The following RAMP1 variants were observed in gnomAD, a reference collection of about 807,000 sequenced individuals.
RAMP1 encodes the protein receptor activity-modifying protein 1.
In RAMP1, 7 loss-of-function variants were observed where a neutral mutation model predicts 8.2. That is an observed-to-expected ratio of 0.85 (90% CI 0.49 to 1.60). The LOEUF (loss-of-function observed/expected upper bound fraction) is 1.60, where lower values mean the gene tolerates loss of function less well. Among genes scored for constraint, RAMP1 ranks in the 40% most tolerant of loss-of-function variants. The pLI is 0.00. For synonymous variants in RAMP1, 92 were observed against 84.7 expected, an observed-to-expected ratio of 1.09 and a Z score of -0.47; for missense variants, 192 against 202.4, an observed-to-expected ratio of 0.95 and a Z score of 0.31.
chr2:237,895,703 A>G (rs7603692), intron 2 of RAMP1, among the ~76,000 whole-genome samples: 38,464 of 146,072 alleles, frequency 0.26, 5,090 homozygotes, highest in South Asian at 0.35. Flanking sequence ...AGTTTCTTGT[A>G]CAGAGAGGGT....
chr2:237,881,008 TTC>T (rs2062363642), intron 2 of RAMP1, among the ~76,000 whole-genome samples: 1 of 152,190 alleles, frequency 6.6e-6, no homozygotes, highest in Admixed American at 6.5e-5. Flanking sequence ...CCCTGCCCAT[TTC>T]TCTCATTCCT....
chr2:237,867,726 C>T (rs537432927), intron 1 of RAMP1, among the ~76,000 whole-genome samples: 33 of 152,174 alleles, frequency 2.2e-4, no homozygotes, highest in Non-Finnish European at 3.7e-4. Context: ...TGCAGCCTTT[C>T]GGCAGTCTCA....
upstream of RAMP1, chr2:237,859,617 G>C: frequency 8.2e-7 from 1 of 1,217,580 alleles, no homozygotes; most frequent in Non-Finnish European, 1.0e-6. Flanking sequence ...GCGCCGCGGC[G>C]GGCTCAGTCC....
At chr2:237,869,271 A>G (rs531084109) in intron 1 of RAMP1, among the ~76,000 whole-genome samples, 63 of 152,276 alleles carry the variant, frequency 4.1e-4, no homozygotes, top group African/African-American at 1.4e-3. Flanking sequence ...TTTAATTTTA[A>G]TTGCGGTAAA....
At chr2:237,897,382 C>T (rs921557432) in intron 2 of RAMP1, among the ~76,000 whole-genome samples, 9 of 152,240 alleles carry the variant, frequency 5.9e-5, no homozygotes, top group Non-Finnish European at 1.3e-4. Context: ...CCGGCTTCAT[C>T]AGCATGCTCT....
chr2:237,900,933 A>T (rs893177855), intron 2 of RAMP1, among the ~76,000 whole-genome samples: 11 of 152,246 alleles, frequency 7.2e-5, no homozygotes, highest in Non-Finnish European at 1.5e-4. Flanking sequence ...CCTTTATCAG[A>T]CAGTCACTGC....
At chr2:237,887,112 A>G (rs2062442365) in intron 2 of RAMP1, among the ~76,000 whole-genome samples, 1 of 152,006 alleles carries the variant, frequency 6.6e-6, no homozygotes, top group South Asian at 2.1e-4. Flanking sequence ...GGTGGGGGAG[A>G]GAGGATGAAG....
chr2:237,872,986 G>A (rs2062262088), intron 1 of RAMP1, among the ~76,000 whole-genome samples: 1 of 152,220 alleles, frequency 6.6e-6, no homozygotes, highest in East Asian at 1.9e-4. Flanking sequence ...TTGTGCTGCT[G>A]CACTCCAGCC....
chr2:237,864,262 C>T lies in RAMP1; in HGVS notation c.52+4535C>T, dbSNP rs986795703. Among the ~76,000 whole-genome samples the T allele has an allele frequency of 1.6e-4, 25 of 152,332 alleles. 1 individual carries two copies. Among genetic ancestry groups the T allele is most frequent in the African/African-American group, 5.5e-4 (23 of 41,588 alleles). ...CCACACGAGTCTCAGGAAGGACTGT[C>T]TTGAGTCTGACACCACCTGGGAGGA... On this transcript the variant is annotated intron_variant, in intron 1 of 2. Transcript: ENST00000254661.
At chr2:237,859,353 G>C (rs866243188), upstream of RAMP1, among the ~76,000 whole-genome samples, 10 of 152,204 alleles carry the variant, frequency 6.6e-5, no homozygotes, top group African/African-American at 2.4e-4. Context: ...GAGTCGTCTA[G>C]GAGACCCTCC....
chr2:237,909,263 G>T (rs1221217125), intron 2 of RAMP1, among the ~76,000 whole-genome samples: 3 of 152,176 alleles, frequency 2.0e-5, no homozygotes, highest in African/African-American at 7.2e-5. Flanking sequence ...TCACCTGGCA[G>T]CCCTCCAGCC....
rs2062328394 is a variant in RAMP1 at position 237,878,089 on chromosome 2, G to T, written c.191+727G>T. 1.0e-6 allele frequency: 1 copy of T among 985,374 alleles called. No homozygotes were observed. The highest frequency in any genetic ancestry group is 1.2e-6 in the Non-Finnish European group (1 of 829,946). 61.0% of individuals were successfully genotyped at this position (985,374 alleles called of 1,614,324 possible). ...TTCTGCCTCCGTGGGAGGCGCTGGG[G>T]TGTCCTGGGGCTGCAGTGGGTGAGT... is the stretch of plus-strand genomic sequence containing the variant. On this transcript the variant is annotated intron_variant, in intron 2 of 2. Transcript: ENST00000254661. The surrounding 1 kb of genome is among the most constrained non-coding windows in gnomAD (Gnocchi z 5.7).
intron 2 of RAMP1, among the ~76,000 whole-genome samples, chr2:237,879,160 T>G (rs573855963): frequency 7.9e-5 from 12 of 152,350 alleles, no homozygotes; most frequent in Non-Finnish European, 1.8e-4. Context: ...GATTGCATTT[T>G]ATTATGATCC....
At chr2:237,904,280 G>T (rs1009352935) in intron 2 of RAMP1, among the ~76,000 whole-genome samples, 2 of 151,468 alleles carry the variant, frequency 1.3e-5, no homozygotes, top group East Asian at 3.9e-4. Context: ...TAGCCAGGGC[G>T]TGGTGGCGGG....
intron 2 of RAMP1, among the ~76,000 whole-genome samples, chr2:237,882,367 G>A (rs2062378571): frequency 6.6e-6 from 1 of 152,162 alleles, no homozygotes; most frequent in Non-Finnish European, 1.5e-5. Context: ...ACTGTAGCTG[G>A]CGTTTATTAC....
intron 1 of RAMP1, among the ~76,000 whole-genome samples, chr2:237,870,516 T>G (rs1390446442): frequency 6.6e-6 from 1 of 152,240 alleles, no homozygotes; most frequent in Non-Finnish European, 1.5e-5. Context: ...GGCTTCCGAC[T>G]TTTTCTCCAG....
chr2:237,863,289 A>G (rs927742792), intron 1 of RAMP1, among the ~76,000 whole-genome samples: 3 of 152,190 alleles, frequency 2.0e-5, no homozygotes, highest in African/African-American at 7.2e-5. Context: ...TCTTGGTGGC[A>G]AATGAAGAGG....
intron 1 of RAMP1, among the ~76,000 whole-genome samples, chr2:237,872,789 C>T (rs34831221): frequency 0.019 from 2,696 of 144,280 alleles, 30 homozygotes; most frequent in Non-Finnish European, 0.032. Flanking sequence ...CACTGTGGGA[C>T]GCTGAGGTGG....
rs982164713 is a variant in RAMP1, at chr2:237,878,999, T to C, written c.191+1637T>C. Among the ~76,000 whole-genome samples the C allele has an allele frequency of 1.3e-5, 2 of 152,230 alleles. No individual in the cohort carries two copies. The highest frequency in any genetic ancestry group is 4.8e-5 in the African/African-American group (2 of 41,462). On this transcript the variant is annotated intron_variant, in intron 2 of 2. Transcript: ENST00000254661. The surrounding 1 kb of genome is among the most constrained non-coding windows in gnomAD (Gnocchi z 5.7). ...TGCCCTCAGCAGGGTCTCCTCACTC[T>C]ACTGTACTGAAGGTCTCTCCAAGAT... is the stretch of plus-strand genomic sequence containing the variant.
Sources: gnomAD v4.1 joint callset for allele counts (sites outside exome capture counted in the v4.1 genomes callset) on GRCh38, gnomAD v4.1.1 for gene constraint, Gnocchi (gnomAD v3.1) non-coding constraint, MANE v1.5 for transcripts, NCBI Gene and HGNC (gene_info 2026-07-23, HGNC 2026-07-21) for gene names.